Variants in CRISP2 observed in about 807,000 individuals in gnomAD.
CRISP2 encodes cysteine rich secretory protein 2.
In CRISP2, 29 loss-of-function variants were observed where a neutral mutation model predicts 31.7. That is an observed-to-expected ratio of 0.92 (90% CI 0.68 to 1.25). The LOEUF is 1.25. Ranked by LOEUF, CRISP2 falls within the 50% of genes most tolerant of loss-of-function variation. The pLI is 0.00. For synonymous variants in CRISP2, 111 were observed against 101.4 expected, an observed-to-expected ratio of 1.09 and a Z score of -0.57; for missense variants, 318 against 286.5, an observed-to-expected ratio of 1.11 and a Z score of -0.79.
chr6:49,678,321 G>A, the CRISP2 span, among the ~76,000 whole-genome samples: 2 of 152,204 alleles, frequency 1.3e-5, no homozygotes, highest in Non-Finnish European at 2.9e-5. Context: ...CACATGAGCA[G>A]TGTTGTGTCC....
intron 4 of CRISP2, among the ~76,000 whole-genome samples, chr6:49,707,729 T>G (rs948001650): frequency 2.0e-5 from 3 of 152,116 alleles, no homozygotes; most frequent in African/African-American, 7.2e-5. Context: ...GTCTGAAAAG[T>G]CCTAGCGAGT....
At chr6:49,697,784 G>C (rs779531809) in intron 8 of CRISP2, 76 bp downstream of exon 8, 1 of 1,603,604 alleles carries the variant, frequency 6.2e-7, no homozygotes, top group Non-Finnish European at 8.5e-7. Context: ...TTTCATTCTG[G>C]TTTAAGATAT....
intron 9 of CRISP2, among the ~76,000 whole-genome samples, chr6:49,694,761 G>T (rs1435345505): frequency 1.4e-5 from 2 of 141,004 alleles, no homozygotes; most frequent in Non-Finnish European, 3.0e-5. Flanking sequence ...TTTTGAGACA[G>T]TCTCGCTCTG....
downstream of CRISP2, among the ~76,000 whole-genome samples, chr6:49,689,038 A>G (rs1763971152): frequency 6.6e-6 from 1 of 151,886 alleles, no homozygotes; most frequent in Non-Finnish European, 1.5e-5. Flanking sequence ...CGTCCGGCAA[A>G]TTTTTGTAGT....
chr6:49,695,730 A>T (rs978501335), intron 9 of CRISP2, 106 bp downstream of exon 9: 17 of 953,934 alleles, frequency 1.8e-5, no homozygotes, highest in African/African-American at 3.4e-5. Context: ...TTTTTCACCA[A>T]TACATTATTT....
chr6:49,710,546 A>G (rs922793529), intron 3 of CRISP2, among the ~76,000 whole-genome samples: 2 of 152,224 alleles, frequency 1.3e-5, no homozygotes, highest in African/African-American at 2.4e-5. Context: ...TTATTAATAC[A>G]TAACTGTATA....
rs1267633441 is a variant in CRISP2, at chr6:49,695,875, A to G, written c.565T>C (p.Cys189Arg). The G allele has an allele frequency of 1.2e-6, 2 of 1,613,226 alleles. No homozygotes were observed. Among genetic ancestry groups the G allele is most frequent in the South Asian group, 1.1e-5 (1 of 90,978 alleles). Residue 189 changes from cysteine to arginine, a missense_variant, in exon 9 of 10, where the codon TGT becomes CGT. Transcript: ENST00000339139. ...KNTPYQQGTPCAGCPDDCDKG... is the reference protein window; with the variant it reads ...KNTPYQQGTPRAGCPDDCDKG... Reference sequence around the variant, plus strand: ...TCACAGTCATCAGGGCAACCGGCACAAGGTGTTCCTTGTTGGTACGGGGTA... The same window carrying G: ...TCACAGTCATCAGGGCAACCGGCACGAGGTGTTCCTTGTTGGTACGGGGTA...
At chr6:49,676,902 G>T in the CRISP2 span, among the ~76,000 whole-genome samples, 1 of 152,064 alleles carries the variant, frequency 6.6e-6, no homozygotes, top group Non-Finnish European at 1.5e-5. Flanking sequence ...AGTTTTGTTG[G>T]TATGTGGAAC....
chr6:49,708,279 A>G (rs1189777351), intron 4 of CRISP2, among the ~76,000 whole-genome samples: 1 of 152,194 alleles, frequency 6.6e-6, no homozygotes, highest in Non-Finnish European at 1.5e-5. Context: ...TTTAAGTGAT[A>G]TTAATTTAAA....
chr6:49,698,942 G>A (rs182092747), intron 6 of CRISP2, among the ~76,000 whole-genome samples: 1 of 152,032 alleles, frequency 6.6e-6, no homozygotes, highest in African/African-American at 2.4e-5. Flanking sequence ...CTGAAAAAAA[G>A]ACTTTATAGG....
At chr6:49,697,786 T>A in intron 8 of CRISP2, 74 bp downstream of exon 8, 3 of 1,604,392 alleles carry the variant, frequency 1.9e-6, no homozygotes, top group Middle Eastern at 3.3e-4. Flanking sequence ...TCATTCTGGT[T>A]TAAGATATGA....
chr6:49,699,986 T>G, intron 5 of CRISP2, 95 bp from the exon 6 acceptor site: 1 of 1,106,776 alleles, frequency 9.0e-7, no homozygotes, highest in Non-Finnish European at 1.3e-6. Context: ...AAAATTTCTG[T>G]AGATGTATTC....
At position 49,697,407 on chromosome 6, in the gene CRISP2, G is replaced by GTGTGTGTGTGTGTGTGTGTGTGTGTGT. The variant is rs970345647; in HGVS notation, c.515+452_515+453insACACACACACACACACACACACACACA. Among the ~76,000 whole-genome samples the GTGTGTGTGTGTGTGTGTGTGTGTGTGT allele has an allele frequency of 1.8e-4, 27 of 151,154 alleles. No homozygotes were observed. The Middle Eastern group carries it at 0.01, about 58-fold the overall frequency. On this transcript the variant is annotated intron_variant, in intron 8 of 9. Transcript: ENST00000339139. ...ATTTGTAATGGTAATTGTGTGTGGT[G>GTGTGTGTGTGTGTGTGTGTGTGTGTGT]GTGTGTGTGTGTGTGTGTTTTACAT...
chr6:49,706,964 T>A (rs990966812), intron 4 of CRISP2, among the ~76,000 whole-genome samples: 8 of 152,146 alleles, frequency 5.3e-5, no homozygotes, highest in Non-Finnish European at 7.4e-5. Context: ...CTAAATCACA[T>A]CAAAGCATAA....
In CRISP2 at chr6:49,701,621, T is replaced by C. The variant is rs1265289723; in HGVS notation, c.67-837A>G. Among the ~76,000 whole-genome samples the C allele has an allele frequency of 1.1e-4, 9 of 80,246 alleles. 1 individual carries two copies. The highest frequency in any genetic ancestry group is 4.0e-4 in the East Asian group (1 of 2,484). 52.6% of individuals were successfully genotyped at this position (80,246 alleles called of 152,430 possible). A position where few individuals can be genotyped will look rare whatever the true frequency, so the allele number is the denominator to read the frequency against. On this transcript the variant is annotated intron_variant, in intron 4 of 9. Transcript: ENST00000339139. Reference sequence around the variant, plus strand: ...TACACACACACACGGTATATATATATACATTATATATGTATACATTATATA... The same window carrying C: ...TACACACACACACGGTATATATATACACATTATATATGTATACATTATATA...
At chr6:49,697,672 A>G (rs1163205612) in intron 8 of CRISP2, 188 bp downstream of exon 8, 26 of 1,484,298 alleles carry the variant, frequency 1.8e-5, no homozygotes, top group African/African-American at 4.2e-5. Context: ...TTCAGTTTTT[A>G]TACCTGAAAG....
At chr6:49,705,200 T>A (rs1406522655) in intron 4 of CRISP2, among the ~76,000 whole-genome samples, 3 of 151,952 alleles carry the variant, frequency 2.0e-5, no homozygotes, top group Non-Finnish European at 4.4e-5. Flanking sequence ...CTGTGCAAGA[T>A]GGGGGTGTGG....
At chr6:49,682,573 TTTTC>T in the CRISP2 span, among the ~76,000 whole-genome samples, 15 of 105,902 alleles carry the variant, frequency 1.4e-4, no homozygotes, top group African/African-American at 5.8e-4. Flanking sequence ...CTTTCTTTCT[TTTTC>T]TTTCTTTCTT....
the CRISP2 span, among the ~76,000 whole-genome samples, chr6:49,686,187 A>G: frequency 3.5e-4 from 53 of 152,376 alleles, no homozygotes; most frequent in African/African-American, 1.1e-3. Context: ...CGTCCATATC[A>G]GCTCATAAAT....
Sources: gnomAD v4.1 joint callset for allele counts (sites outside exome capture counted in the v4.1 genomes callset) on GRCh38, gnomAD v4.1.1 for gene constraint, MANE v1.5 for transcripts, NCBI Gene and HGNC (gene_info 2026-07-23, HGNC 2026-07-21) for gene names.